The following TAFA5 variants were observed in gnomAD, a reference collection of about 807,000 sequenced individuals.
TAFA5 encodes the protein chemokine-like protein TAFA-5.
A neutral mutation model predicts 15.3 loss-of-function variants in TAFA5; 6 were observed. The ratio of observed to expected loss-of-function variants is 0.39; its 90% CI spans 0.21 to 0.77. The LOEUF (loss-of-function observed/expected upper bound fraction) is 0.77, where lower values mean the gene tolerates loss of function less well. Among genes scored for constraint, TAFA5 ranks in the 30% least tolerant of loss-of-function variants. The pLI, the probability that TAFA5 is intolerant of heterozygous loss-of-function variation, is 0.41. For missense variants in TAFA5, 161 were observed against 193.1 expected (o/e 0.83, Z 0.98); for synonymous variants, 103 against 80.7 (o/e 1.28, Z -1.48).
chr22:48,651,649 C>T (rs939379718), intron 2 of TAFA5, among the ~76,000 whole-genome samples: 22 of 152,156 alleles, frequency 1.4e-4, no homozygotes, highest in Admixed American at 7.8e-4. Flanking sequence ...TGGCAGTAGA[C>T]GCGCAGCCTT....
At chr22:48,701,036 C>T (rs1928889401) in intron 2 of TAFA5, among the ~76,000 whole-genome samples, 2 of 152,152 alleles carry the variant, frequency 1.3e-5, no homozygotes, top group African/African-American at 4.8e-5. Flanking sequence ...TTACTAGAAG[C>T]ACTGCCAGCT....
chr22:48,540,627 T>C (rs1412573326), intron 1 of TAFA5, among the ~76,000 whole-genome samples: 1 of 152,090 alleles, frequency 6.6e-6, no homozygotes, highest in Admixed American at 6.6e-5. Flanking sequence ...ATGCATCTTT[T>C]GTTTTTCATG....
At chr22:48,581,305 C>T (rs561672688) in intron 1 of TAFA5, among the ~76,000 whole-genome samples, 4 of 152,326 alleles carry the variant, frequency 2.6e-5, no homozygotes, top group African/African-American at 7.2e-5. Context: ...CAGTCCCTGC[C>T]GAGGGCCAGG....
chr22:48,719,380 G>T (rs181700318), intron 3 of TAFA5, among the ~76,000 whole-genome samples: 1 of 152,372 alleles, frequency 6.6e-6, no homozygotes, highest in East Asian at 1.9e-4. Flanking sequence ...AGTGTGATCA[G>T]ATGGCGTTCA....
At chr22:48,684,794 GA>G in intron 2 of TAFA5, among the ~76,000 whole-genome samples, 1 of 152,164 alleles carries the variant, frequency 6.6e-6, no homozygotes, top group Admixed American at 6.6e-5. Context: ...GTTTCATGGT[GA>G]CCCCAGGGCC....
chr22:48,685,639 A>G (rs1928329464), intron 2 of TAFA5, among the ~76,000 whole-genome samples: 1 of 151,728 alleles, frequency 6.6e-6, no homozygotes, highest in Admixed American at 6.6e-5. Flanking sequence ...AGGGGTGTCT[A>G]ATCTCCCATC....
intron 1 of TAFA5, among the ~76,000 whole-genome samples, chr22:48,585,019 A>G (rs1032981960): frequency 3.7e-5 from 5 of 136,252 alleles, no homozygotes; most frequent in African/African-American, 1.4e-4. Context: ...TGCAGAATAC[A>G]CCACACACAC....
At chr22:48,511,295 C>T (rs756901978) in intron 1 of TAFA5, among the ~76,000 whole-genome samples, 40 of 152,184 alleles carry the variant, frequency 2.6e-4, no homozygotes, top group African/African-American at 7.0e-4. Flanking sequence ...GCCACCTTCT[C>T]GGGCTGGCCT....
intron 2 of TAFA5, among the ~76,000 whole-genome samples, chr22:48,694,523 C>G (rs733572): frequency 0.23 from 34,410 of 152,072 alleles, 4,499 homozygotes; most frequent in Admixed American, 0.37. Flanking sequence ...TGCTCTGGGC[C>G]TGTTTGCCTT....
At chr22:48,587,456 G>A (rs565454997) in intron 1 of TAFA5, among the ~76,000 whole-genome samples, 6 of 152,280 alleles carry the variant, frequency 3.9e-5, no homozygotes, top group South Asian at 2.1e-4. Flanking sequence ...GGCTGCAGGC[G>A]GGTCGGGGTG....
At chr22:48,663,310 G>T (rs903330487) in intron 2 of TAFA5, among the ~76,000 whole-genome samples, 1 of 151,500 alleles carries the variant, frequency 6.6e-6, no homozygotes, top group East Asian at 1.9e-4. Flanking sequence ...AGAGTGGGCT[G>T]AGGGGCCACA....
chr22:48,497,406 G>A (rs1478104041), intron 1 of TAFA5, among the ~76,000 whole-genome samples: 1 of 152,034 alleles, frequency 6.6e-6, no homozygotes, highest in Non-Finnish European at 1.5e-5. Context: ...AGAAAAGACG[G>A]CATTTCCGCC....
chr22:48,542,657 G>GTGTGTGGTGTGTA (rs1922493620), intron 1 of TAFA5, among the ~76,000 whole-genome samples: 1 of 142,032 alleles, frequency 7.0e-6, no homozygotes, highest in African/African-American at 2.6e-5. Flanking sequence ...TGTGGTGTGT[G>GTGTGTGGTGTGTA]TGTGGTGTGT....
At chr22:48,645,152 C>T (rs1426164873) in intron 1 of TAFA5, among the ~76,000 whole-genome samples, 3 of 152,156 alleles carry the variant, frequency 2.0e-5, no homozygotes, top group Admixed American at 1.3e-4. Flanking sequence ...AGCAGGTGCC[C>T]ATGTGGAGCT....
At chr22:48,504,751 G>A (rs989489403) in intron 1 of TAFA5, among the ~76,000 whole-genome samples, 2 of 152,212 alleles carry the variant, frequency 1.3e-5, no homozygotes, top group Admixed American at 1.3e-4. Context: ...GAGCTTATCA[G>A]AGCAAGTGGC....
At chr22:48,542,464 TTGTGTA>T (rs1922455304) in intron 1 of TAFA5, among the ~76,000 whole-genome samples, 1 of 86,646 alleles carries the variant, frequency 1.2e-5, no homozygotes, top group Non-Finnish European at 2.3e-5. Flanking sequence ...CGGGTGTGTG[TTGTGTA>T]TGTGTGTGTG....
chr22:48,657,968 C>G (rs757176943), intron 2 of TAFA5, among the ~76,000 whole-genome samples: 20 of 152,316 alleles, frequency 1.3e-4, no homozygotes, highest in South Asian at 4.1e-4. Context: ...CTTGCCTCAT[C>G]TTACATATGT....
intron 1 of TAFA5, among the ~76,000 whole-genome samples, chr22:48,592,887 C>G (rs1229024672): frequency 6.6e-6 from 1 of 152,172 alleles, no homozygotes. Flanking sequence ...TCCCAGGGGT[C>G]TCTCAGAAAG....
At chr22:48,548,793 C>G (rs1385063224) in intron 1 of TAFA5, among the ~76,000 whole-genome samples, 1 of 152,264 alleles carries the variant, frequency 6.6e-6, no homozygotes, top group Non-Finnish European at 1.5e-5. Flanking sequence ...AGTCGCCTAA[C>G]AACCGAAGTC....
Sources: gnomAD v4.1 joint callset for allele counts (sites outside exome capture counted in the v4.1 genomes callset) on GRCh38, gnomAD v4.1.1 for gene constraint, MANE v1.5 for transcripts, NCBI Gene and HGNC (gene_info 2026-07-23, HGNC 2026-07-21) for gene names.